MEGF9: variants seen among roughly 807,000 people sequenced by gnomAD.
MEGF9 encodes the protein multiple EGF like domains 9.
Under a neutral mutation model 46.8 loss-of-function variants are expected in MEGF9, and 6 were observed. The ratio of observed to expected loss-of-function variants is 0.13; its 90% confidence interval spans 0.07 to 0.25. The LOEUF (loss-of-function observed/expected upper bound fraction) is 0.25. Among genes scored for constraint, MEGF9 ranks in the 10% least tolerant of loss-of-function variants. The pLI, the probability that MEGF9 is intolerant of heterozygous loss-of-function variation, is 1.00. For synonymous variants in MEGF9, 302 were observed against 330.7 expected (o/e 0.91, Z 0.94); for missense variants, 683 against 792.4 (o/e 0.86, Z 1.66).
chr9:120,669,563 T>C (rs941017732), intron 1 of MEGF9, among the ~76,000 whole-genome samples: 29 of 148,214 alleles, frequency 2.0e-4, no homozygotes, highest in African/African-American at 6.9e-4. Context: ...TGAGACAAAA[T>C]AGATGTTTAG....
chr9:120,690,694 T>C (rs80037144), intron 1 of MEGF9, among the ~76,000 whole-genome samples: 1,790 of 152,256 alleles, frequency 0.012, 26 homozygotes, highest in African/African-American at 0.041. Context: ...CCACTATCAA[T>C]AGACCATTTG....
intron 1 of MEGF9, among the ~76,000 whole-genome samples, chr9:120,673,740 G>T (rs2132329296): frequency 6.6e-6 from 1 of 152,012 alleles, no homozygotes; most frequent in Non-Finnish European, 1.5e-5. Context: ...GGCCGAGGTG[G>T]GTGGATCACG....
chr9:120,659,042 C>G (rs779508328), intron 2 of MEGF9, among the ~76,000 whole-genome samples: 3 of 152,188 alleles, frequency 2.0e-5, no homozygotes, highest in Non-Finnish European at 2.9e-5. Flanking sequence ...AAGAACATTT[C>G]TAAACCTCCT....
At chr9:120,679,529 C>T (rs554224748) in intron 1 of MEGF9, among the ~76,000 whole-genome samples, 78 of 151,892 alleles carry the variant, frequency 5.1e-4, no homozygotes, top group African/African-American at 1.7e-3. Context: ...ATGTAAATGA[C>T]GAGTTAATGG....
chr9:120,646,638 T>C lies in MEGF9; in HGVS notation c.803+12736A>G, dbSNP rs1161366303. ...TTCTTAATCCTCTTAACATTTTATCTTTATACTGTATTTTGTGATGTGGGT... is the reference window on the plus strand; with the variant it reads ...TTCTTAATCCTCTTAACATTTTATCCTTATACTGTATTTTGTGATGTGGGT... On this transcript the variant is annotated intron_variant, in intron 2 of 5. Coordinates refer to ENST00000373930, the MANE Select transcript of MEGF9 (RefSeq NM_001080497.3). Among the ~76,000 whole-genome samples the C allele has an allele frequency of 2.0e-5, 3 of 152,176 alleles. No individual in the cohort carries two copies. The East Asian group carries it at 5.8e-4, about 29-fold the overall frequency.
intron 2 of MEGF9, among the ~76,000 whole-genome samples, chr9:120,635,824 T>C (rs1248346463): frequency 6.6e-6 from 1 of 152,226 alleles, no homozygotes; most frequent in Non-Finnish European, 1.5e-5. Flanking sequence ...GATTTCCTTT[T>C]CATGCAGGTC....
intron 1 of MEGF9, among the ~76,000 whole-genome samples, chr9:120,668,736 C>G (rs2043736285): frequency 6.6e-6 from 1 of 152,216 alleles, no homozygotes; most frequent in Non-Finnish European, 1.5e-5. Flanking sequence ...AGACATCACA[C>G]AAGAAACTGG....
At chr9:120,708,735 A>C (rs929131461) in intron 1 of MEGF9, among the ~76,000 whole-genome samples, 2 of 152,218 alleles carry the variant, frequency 1.3e-5, no homozygotes, top group Non-Finnish European at 2.9e-5. Flanking sequence ...ACCGCAGGTA[A>C]ATGCAAATAA....
intron 2 of MEGF9, among the ~76,000 whole-genome samples, chr9:120,640,889 T>G (rs2043600023): frequency 7.8e-6 from 1 of 128,164 alleles, no homozygotes; most frequent in Non-Finnish European, 1.6e-5. Flanking sequence ...CCCCAGTGTC[T>G]ACTGTTCCCA....
At chr9:120,711,725 G>A (rs2043953754) in intron 1 of MEGF9, among the ~76,000 whole-genome samples, 1 of 152,060 alleles carries the variant, frequency 6.6e-6, no homozygotes, top group African/African-American at 2.4e-5. Flanking sequence ...AAATGCTACT[G>A]TATGCTTAAA....
chr9:120,713,327 G>T (rs1196616485), intron 1 of MEGF9, among the ~76,000 whole-genome samples: 2 of 152,206 alleles, frequency 1.3e-5, no homozygotes, highest in African/African-American at 4.8e-5. Context: ...GAAATGAACA[G>T]GGAAACTGGA....
chr9:120,683,511 T>C lies in MEGF9; in HGVS notation c.602-23936A>G, dbSNP rs974381096. On this transcript the variant is annotated intron_variant, in intron 1 of 5. Transcript: ENST00000373930. ...TTTTATAAGGCAGTTTTCCCTGCTCTTGCTAGCTCTCTTTCCTGCCGCCAT... is the reference window on the plus strand; with the variant it reads ...TTTTATAAGGCAGTTTTCCCTGCTCCTGCTAGCTCTCTTTCCTGCCGCCAT... Among the ~76,000 whole-genome samples the C allele has an allele frequency of 1.2e-4, 19 of 152,216 alleles. 1 individual carries two copies. Among genetic ancestry groups the C allele is most frequent in the African/African-American group, 3.4e-4 (14 of 41,458 alleles).
intron 1 of MEGF9, among the ~76,000 whole-genome samples, chr9:120,669,765 C>G (rs1319558474): frequency 6.6e-6 from 1 of 152,050 alleles, no homozygotes; most frequent in Non-Finnish European, 1.5e-5. Flanking sequence ...AAAAATGTGA[C>G]AGTATCAGAA....
At chr9:120,621,017 T>A (rs1564413798) in intron 3 of MEGF9, among the ~76,000 whole-genome samples, 1 of 152,166 alleles carries the variant, frequency 6.6e-6, no homozygotes, top group Non-Finnish European at 1.5e-5. Flanking sequence ...GTGTCCTGAT[T>A]TTTTTTGCTT....
At chr9:120,666,830 C>T (rs1423002177) in intron 1 of MEGF9, among the ~76,000 whole-genome samples, 1 of 152,142 alleles carries the variant, frequency 6.6e-6, no homozygotes, top group African/African-American at 2.4e-5. Context: ...GAATAAACCA[C>T]TGACATCCAA....
chr9:120,659,511 C>T lies in MEGF9; in HGVS notation c.666G>A (p.Gly222=). The change falls in exon 2 of 6, where the codon GGG becomes GGA. Residue 222 remains glycine (G), a synonymous_variant. Transcript: ENST00000373930. ...GATAACCTGGCCGACACTCACACTG[C>T]CCTGTGGTCTGGTTGCAGCGATTCA... ...LNVNRCNQTT[G]QCECRPGYQG... The T allele has an allele frequency of 6.2e-7, 1 of 1,613,748 alleles. No individual in the cohort carries two copies. The highest frequency in any genetic ancestry group is 8.5e-7 in the Non-Finnish European group (1 of 1,179,796).
At chr9:120,695,619 A>AAAAAAAAAAAAAAAAAAAAAAAC in intron 1 of MEGF9, among the ~76,000 whole-genome samples, 1 of 150,896 alleles carries the variant, frequency 6.6e-6, no homozygotes, top group African/African-American at 2.4e-5. Context: ...AAAAAAAAAA[A>AAAAAAAAAAAAAAAAAAAAAAAC]AAAAAAAAAA....
At chr9:120,636,081 G>GT (rs2043572949) in intron 2 of MEGF9, among the ~76,000 whole-genome samples, 1 of 152,130 alleles carries the variant, frequency 6.6e-6, no homozygotes, top group African/African-American at 2.4e-5. Context: ...ATTAACACGT[G>GT]TATGTCACCA....
intron 1 of MEGF9, among the ~76,000 whole-genome samples, chr9:120,686,376 C>T (rs2132335535): frequency 6.6e-6 from 1 of 152,254 alleles, no homozygotes; most frequent in South Asian, 2.1e-4. Context: ...CCAGGCCCGG[C>T]CGAGGGAATT....
Sources: allele counts gnomAD v4.1 joint callset (sites outside exome capture counted in the v4.1 genomes callset), GRCh38; gene constraint gnomAD v4.1.1; transcripts MANE v1.5; gene names NCBI Gene and HGNC (gene_info 2026-07-23, HGNC 2026-07-21).